The following PGAP1 variants were observed in gnomAD, a reference collection of about 807,000 sequenced individuals.
PGAP1 encodes post-GPI attachment to proteins inositol deacylase 1.
A neutral mutation model predicts 127.0 loss-of-function variants in PGAP1; 76 were observed. That is an observed-to-expected ratio of 0.60 (90% CI 0.50 to 0.72). PGAP1 has a LOEUF of 0.72. Ranked by LOEUF, PGAP1 falls within the 30% of genes least tolerant of loss-of-function variation. The pLI, the probability that PGAP1 is intolerant of heterozygous loss-of-function variation, is 0.00. For synonymous variants in PGAP1, 362 were observed against 366.5 expected (o/e 0.99, Z 0.14); for missense variants, 982 against 1,071.3 (o/e 0.92, Z 1.16).
At chr2:196,922,433 TC>T in intron 1 of PGAP1, 1 of 973,226 alleles carries the variant, frequency 1.0e-6, no homozygotes, top group Non-Finnish European at 1.2e-6. Flanking sequence ...TTGCTCACCA[TC>T]CCCCATAAGA....
At chr2:196,903,130 C>T (rs1367138316) in intron 4 of PGAP1, among the ~76,000 whole-genome samples, 1 of 151,946 alleles carries the variant, frequency 6.6e-6, no homozygotes, top group African/African-American at 2.4e-5. Context: ...GAGTTGTAGA[C>T]ATTTGTGGTG....
chr2:196,898,125 G>A (rs1702346781), intron 6 of PGAP1, among the ~76,000 whole-genome samples, 192 bp downstream of exon 6: 1 of 152,076 alleles, frequency 6.6e-6, no homozygotes, highest in Non-Finnish European at 1.5e-5. Flanking sequence ...GCTGAGGCAT[G>A]AGGATCACTT....
intron 20 of PGAP1, among the ~76,000 whole-genome samples, chr2:196,862,949 A>G (rs945224646): frequency 5.3e-5 from 8 of 152,226 alleles, no homozygotes; most frequent in Non-Finnish European, 8.8e-5. Flanking sequence ...AATGGCCAAC[A>G]GATGTATTTT....
chr2:196,904,694 C>T (rs551172774), intron 4 of PGAP1, among the ~76,000 whole-genome samples: 19 of 152,108 alleles, frequency 1.2e-4, no homozygotes, highest in African/African-American at 4.6e-4. Context: ...CGCCACTGCA[C>T]TCCAGCCTGG....
chr2:196,842,078 A>C (rs1047823273), intron 26 of PGAP1, among the ~76,000 whole-genome samples: 3 of 151,642 alleles, frequency 2.0e-5, no homozygotes, highest in African/African-American at 7.3e-5. Context: ...CCAAAGAACC[A>C]TCTTACATTC....
intron 3 of PGAP1, 32 bp from the exon 4 acceptor site, chr2:196,913,085 G>A (rs752131470): frequency 2.1e-5 from 32 of 1,553,968 alleles, no homozygotes; most frequent in African/African-American, 9.7e-5. Context: ...TCATAATTGC[G>A]GCTTTGTATC....
intron 20 of PGAP1, among the ~76,000 whole-genome samples, chr2:196,859,118 G>A (rs370480223): frequency 6.6e-6 from 1 of 152,162 alleles, no homozygotes; most frequent in Non-Finnish European, 1.5e-5. Context: ...CCTGAGGTCA[G>A]GAGTTCAAGA....
intron 20 of PGAP1, 119 bp from the exon 21 acceptor site, chr2:196,848,156 C>T (rs1258328055): frequency 3.8e-6 from 2 of 524,734 alleles, no homozygotes; most frequent in African/African-American, 4.0e-5. Context: ...GTCTTCATTA[C>T]TATCACAGAG....
intron 22 of PGAP1, among the ~76,000 whole-genome samples, chr2:196,846,256 T>C (rs1053535817): frequency 6.6e-6 from 1 of 152,182 alleles, no homozygotes; most frequent in Non-Finnish European, 1.5e-5. Flanking sequence ...ATACTTGTAC[T>C]ACAGGTGAAA....
At chr2:196,922,187 C>G (rs752878075) in intron 1 of PGAP1, 1 of 1,297,820 alleles carries the variant, frequency 7.7e-7, no homozygotes, top group South Asian at 1.3e-5. Context: ...CTTCTCATCT[C>G]TACATAAACT....
chr2:196,880,098 AC>A lies in PGAP1; in HGVS notation c.1327del (p.Val443TyrfsTer11). 1 of 1,602,706 alleles carries A rather than the reference AC, an allele frequency of 6.2e-7. No individual in the cohort carries two copies. Among genetic ancestry groups the A allele is most frequent in the Non-Finnish European group, 8.5e-7 (1 of 1,173,220 alleles). The part of the protein sequence containing the change: ...YPSLSHLVVY[V>X]PSVRGSKFVV... Reference sequence around the variant, plus strand: ...TACCTTACTTCCACGAACAGATGGTACATAAACAACAAGATGAGACAAAGAT... The same window carrying A: ...TACCTTACTTCCACGAACAGATGGTAATAAACAACAAGATGAGACAAAGAT... On this transcript the variant is annotated frameshift_variant, in exon 13 of 27. Transcript: ENST00000354764. LOFTEE classifies it high-confidence loss of function.
At chr2:196,869,575 CCA>C (rs1701348603) in intron 19 of PGAP1, among the ~76,000 whole-genome samples, 2 of 152,192 alleles carry the variant, frequency 1.3e-5, no homozygotes, top group Admixed American at 1.3e-4. Context: ...ACCTCGTGAT[CCA>C]TCCACCTCAG....
intron 20 of PGAP1, 31 bp downstream of exon 20, chr2:196,864,956 A>G (rs746315450): frequency 7.8e-7 from 1 of 1,284,232 alleles, no homozygotes; most frequent in South Asian, 1.6e-5. Context: ...ATTCATAACA[A>G]AAGTAACTTA....
intron 2 of PGAP1, among the ~76,000 whole-genome samples, chr2:196,918,629 T>C (rs1410561542): frequency 6.6e-6 from 1 of 152,174 alleles, no homozygotes; most frequent in African/African-American, 2.4e-5. Flanking sequence ...AACAGCCTCA[T>C]ATACATAGAT....
In PGAP1 at chr2:196,912,996, C is replaced by G; in HGVS notation, c.535G>C (p.Val179Leu). The G allele has an allele frequency of 1.2e-6, 2 of 1,613,832 alleles. 1 individual carries two copies. The highest frequency in any genetic ancestry group is 4.5e-5 in the East Asian group (2 of 44,864). The change falls in exon 4 of 27, where the codon GTT becomes CTT. Residue 179 changes from valine to leucine, a missense_variant. By Grantham distance (32) the Val-to-Leu change is conservative. Transcript: ENST00000354764. ...AIIGHSMGGL[V>L]ARALLTLKNF... ...TTCAGTGTAAGCAATGCTCTTGCAA[C>G]AAGGCCACCCATAGAATGACCAATT...
At chr2:196,850,579 A>T (rs1700689482) in intron 20 of PGAP1, among the ~76,000 whole-genome samples, 1 of 152,182 alleles carries the variant, frequency 6.6e-6, no homozygotes, top group Non-Finnish European at 1.5e-5. Context: ...AAATTTAAGA[A>T]ATCATCTGTC....
intron 10 of PGAP1, among the ~76,000 whole-genome samples, chr2:196,888,458 A>C (rs1701990310): frequency 6.6e-6 from 1 of 152,222 alleles, no homozygotes; most frequent in Admixed American, 6.5e-5. Context: ...ACTATAAAAA[A>C]TTAATCTGAA....
intron 19 of PGAP1, among the ~76,000 whole-genome samples, chr2:196,870,731 T>C (rs1296721075): frequency 6.6e-6 from 1 of 152,118 alleles, no homozygotes; most frequent in Non-Finnish European, 1.5e-5. Context: ...AAGAATAATT[T>C]TTGGATTTTA....
At chr2:196,844,952 T>C in intron 23 of PGAP1, among the ~76,000 whole-genome samples, 1 of 152,050 alleles carries the variant, frequency 6.6e-6, no homozygotes, top group East Asian at 1.9e-4. Context: ...TTACATTCAA[T>C]ATAGTAAAAG....
Sources: allele counts gnomAD v4.1 joint callset (sites outside exome capture counted in the v4.1 genomes callset), GRCh38; gene constraint gnomAD v4.1.1; transcripts MANE v1.5; gene names NCBI Gene and HGNC (gene_info 2026-07-23, HGNC 2026-07-21).